The following SLC6A3 variants were observed in gnomAD, a reference collection of about 807,000 sequenced individuals.
SLC6A3 encodes solute carrier family 6 member 3.
SLC6A3 carries 19 observed loss-of-function variants against 70.4 expected under a neutral mutation model. That is an observed-to-expected ratio of 0.27 (90% CI 0.19 to 0.40). The LOEUF (loss-of-function observed/expected upper bound fraction) is 0.40, where lower values mean the gene tolerates loss of function less well. Among genes scored for constraint, SLC6A3 ranks in the 10% least tolerant of loss-of-function variants. The pLI is 1.00. For synonymous variants in SLC6A3, 368 were observed against 356.6 expected (o/e 1.03, Z -0.36); for missense variants, 613 against 838.5 (o/e 0.73, Z 3.32).
intron 1 of SLC6A3, among the ~76,000 whole-genome samples, chr5:1,444,482 T>C (rs536875924): frequency 1.3e-5 from 2 of 152,178 alleles, no homozygotes; most frequent in Non-Finnish European, 2.9e-5. Context: ...ACACAACGAC[T>C]GAAGCAGGTC....
rs993248167 is a variant in SLC6A3 at position 1,397,914 on chromosome 5, G to A, written c.1839+3001C>T. On this transcript the variant is annotated intron_variant, in intron 14 of 14. Transcript: ENST00000270349. This position sits in a 1 kb window ranked among gnomAD's most constrained non-coding sequence, Gnocchi z 4.7. Reference sequence around the variant, plus strand: ...GAACAATGACAGTGTCTAATTTGTGGGTTAAAAAGAGAGAAATAGATTTGA... The same window carrying A: ...GAACAATGACAGTGTCTAATTTGTGAGTTAAAAAGAGAGAAATAGATTTGA... Among the ~76,000 whole-genome samples the A allele has an allele frequency of 2.6e-5, 4 of 152,272 alleles. No individual in the cohort carries two copies. Among genetic ancestry groups the A allele is most frequent in the African/African-American group, 9.6e-5 (4 of 41,566 alleles).
intron 4 of SLC6A3, among the ~76,000 whole-genome samples, chr5:1,423,459 C>T (rs1361323277): frequency 6.6e-6 from 1 of 152,252 alleles, no homozygotes; most frequent in Admixed American, 6.5e-5. Flanking sequence ...AGGCACCAGC[C>T]AGCACTGTTT....
chr5:1,432,676 G>A lies in SLC6A3; in HGVS notation c.441C>T (p.Leu147=). ...ILKGVGFTVI[L]ISLYVGFFYN... is the part of the protein sequence containing the mutation. ...AGAAGAAGCCGACATACAGTGAGATGAGGATGACCGTGAAGCCCACACCTA... is the reference window on the plus strand; with the variant it reads ...AGAAGAAGCCGACATACAGTGAGATAAGGATGACCGTGAAGCCCACACCTA... Residue 147 remains leucine, a synonymous_variant, in exon 4 of 15, where the codon CTC becomes CTT. Coordinates refer to ENST00000270349, the MANE Select transcript of SLC6A3 (RefSeq NM_001044.5). 1 of 1,614,128 alleles carries A rather than the reference G, an allele frequency of 6.2e-7. No homozygotes were observed. Among genetic ancestry groups the A allele is most frequent in the Non-Finnish European group, 8.5e-7 (1 of 1,179,954 alleles).
intron 6 of SLC6A3, chr5:1,416,594 A>T: frequency 2.8e-6 from 1 of 358,568 alleles, no homozygotes; most frequent in Non-Finnish European, 5.4e-6. Context: ...AAACATGACC[A>T]CAGTGTCCTA....
intron 4 of SLC6A3, among the ~76,000 whole-genome samples, chr5:1,429,615 A>C (rs1321108139): frequency 1.3e-5 from 2 of 152,228 alleles, no homozygotes; most frequent in Non-Finnish European, 2.9e-5. Context: ...TCAATGAGTC[A>C]ACATTTCCCA....
intron 6 of SLC6A3, chr5:1,416,663 G>C: frequency 3.3e-6 from 1 of 299,696 alleles, no homozygotes; most frequent in South Asian, 3.3e-5. Context: ...CGTCCTAATA[G>C]CCCTCAGAAC....
In SLC6A3 at chr5:1,437,574, G is replaced by A. The variant is rs1756868343; in HGVS notation, c.418+3785C>T. ...GCTGAAGGCCCCAGAGGCCCCTCTG[G>A]CTGTGGTGCCCATCCCAAGCTGCTC... On this transcript the variant is annotated intron_variant, in intron 3 of 14. Transcript: ENST00000270349. This position sits in a 1 kb window ranked among gnomAD's most constrained non-coding sequence, Gnocchi z 4.8. Among the ~76,000 whole-genome samples, 1 of 152,270 alleles carries A rather than the reference G, an allele frequency of 6.6e-6. No homozygotes were observed. Among genetic ancestry groups the A allele is most frequent in the Admixed American group, 6.5e-5 (1 of 15,292 alleles).
At chr5:1,422,161 G>A (rs940442494) in intron 4 of SLC6A3, 147 bp from the exon 5 acceptor site, 14 of 905,320 alleles carry the variant, frequency 1.5e-5, no homozygotes, top group East Asian at 5.2e-5. Context: ...CTTCCAGGGA[G>A]GTCTGGCCCA....
intron 3 of SLC6A3, among the ~76,000 whole-genome samples, chr5:1,435,341 A>T (rs990601881): frequency 6.6e-6 from 1 of 152,182 alleles, no homozygotes; most frequent in Non-Finnish European, 1.5e-5. Flanking sequence ...CCAATTTGAA[A>T]ATTTTTCAAG....
chr5:1,433,057 AC>A (rs1028140927), intron 3 of SLC6A3, among the ~76,000 whole-genome samples: 2 of 151,786 alleles, frequency 1.3e-5, no homozygotes, highest in African/African-American at 4.8e-5. Flanking sequence ...CACCAAGGTC[AC>A]CCCCAGCCAC....
rs914155433 is a variant in SLC6A3, at chr5:1,437,389, G to C, written c.418+3970C>G. 6.6e-6 allele frequency among the ~76,000 whole-genome samples: 1 copy of C among 152,130 alleles called. No homozygotes were observed. Among genetic ancestry groups the C allele is most frequent in the African/African-American group, 2.4e-5 (1 of 41,444 alleles). ...AGAGAGGAGAAGAGACAGAACAGGA[G>C]AGAGACAGAGAGGAGAAGAGACAGA... On this transcript the variant is annotated intron_variant, in intron 3 of 14. Coordinates refer to ENST00000270349, the MANE Select transcript of SLC6A3 (RefSeq NM_001044.5). The surrounding 1 kb of genome is among the most constrained non-coding windows in gnomAD (Gnocchi z 4.8).
rs752656960 is a variant in SLC6A3 at position 1,406,239 on chromosome 5, G to A, written c.1548C>T (p.Pro516=). Residue 516 remains proline, a synonymous_variant, in exon 12 of 15, where the codon CCC becomes CCT. Transcript: ENST00000270349. This position sits in a 1 kb window ranked among gnomAD's most constrained non-coding sequence, Gnocchi z 8.8. ...DDIQQMTGQR[P]SLYWRLCWKL... is the part of the protein sequence containing the mutation. ...TCCAGCACAGCCGCCAGTACAGGCTGGGCCGCTGCCCGGTCATCTGCTGGA... is the reference window on the plus strand; with the variant it reads ...TCCAGCACAGCCGCCAGTACAGGCTAGGCCGCTGCCCGGTCATCTGCTGGA... The A allele has an allele frequency of 1.2e-6, 2 of 1,613,028 alleles. No individual in the cohort carries two copies. Among genetic ancestry groups the A allele is most frequent in the African/African-American group, 1.3e-5 (1 of 75,064 alleles).
intron 7 of SLC6A3, among the ~76,000 whole-genome samples, chr5:1,415,289 C>A (rs466630): frequency 2.2e-4 from 33 of 151,616 alleles, no homozygotes; most frequent in South Asian, 1.2e-3. Context: ...GGAGGCAAGC[C>A]GAGGACGAAG....
Position 1,441,457 on chromosome 5 carries a change from A to G in SLC6A3, c.320T>C (p.Val107Ala), listed in dbSNP as rs535873193. ...GTAGAAAAGTGGCATCCCAGCAATGACCATGAAGAGCAGGTAGGGGACCAG... is the reference window on the plus strand; with the variant it reads ...GTAGAAAAGTGGCATCCCAGCAATGGCCATGAAGAGCAGGTAGGGGACCAG... ...AFLVPYLLFMVIAGMPLFYME... is the reference protein window; with the variant it reads ...AFLVPYLLFMAIAGMPLFYME... The change falls in exon 3 of 15, where the codon GTC becomes GCC. Residue 107 changes from valine to alanine, a missense_variant. Coordinates refer to ENST00000270349, the MANE Select transcript of SLC6A3 (RefSeq NM_001044.5). The G allele has an allele frequency of 1.2e-6, 2 of 1,614,226 alleles. No homozygotes were observed. Among genetic ancestry groups the G allele is most frequent in the South Asian group, 2.2e-5 (2 of 91,086 alleles).
In SLC6A3 at chr5:1,401,076, A is replaced by G; in HGVS notation, c.1768-90T>C. On this transcript the variant is annotated intron_variant, in intron 13 of 14. Coordinates refer to ENST00000270349, the MANE Select transcript of SLC6A3 (RefSeq NM_001044.5). The surrounding 1 kb of genome is among the most constrained non-coding windows in gnomAD (Gnocchi z 6.1). ...ACTCACACTGCCAGGACCCTCACCT[A>G]CCAGCACCCTCACCACCAGCCCTCC... 1.0e-6 allele frequency: 1 copy of G among 964,026 alleles called. No homozygotes were observed. The highest frequency in any genetic ancestry group is 1.6e-6 in the Non-Finnish European group (1 of 611,766). The allele number at this position is 964,026 out of a possible 1,614,324, so 59.7% of individuals were successfully genotyped here. A position where few individuals can be genotyped will look rare whatever the true frequency, so the allele number is the denominator to read the frequency against.
chr5:1,423,345 GTGCTGCCCACGC>G (rs146228578), intron 4 of SLC6A3, among the ~76,000 whole-genome samples: 2,015 of 100,338 alleles, frequency 0.02, 211 homozygotes, highest in Non-Finnish European at 0.026. Flanking sequence ...GCTGCCCACA[GTGCTGCCCACGC>G]TGCTGGGTAC....
chr5:1,432,726 C>T (rs1313201545), intron 3 of SLC6A3, 28 bp from the exon 4 acceptor site: 4 of 1,549,002 alleles, frequency 2.6e-6, no homozygotes, highest in South Asian at 2.2e-5. Flanking sequence ...GCCATGGAGC[C>T]CACGCAGGTG....
In SLC6A3 at chr5:1,396,141, C is replaced by T. The variant is rs1430602222; in HGVS notation, c.1840-1383G>A. On this transcript the variant is annotated intron_variant, in intron 14 of 14. Transcript: ENST00000270349. The surrounding 1 kb of genome is among the most constrained non-coding windows in gnomAD (Gnocchi z 7.0). ...AGAGATGAAGTAGAAAAGAGAATGGCTGGGCTGCAGACCAGGGGCAGGGCA... is the reference window on the plus strand; with the variant it reads ...AGAGATGAAGTAGAAAAGAGAATGGTTGGGCTGCAGACCAGGGGCAGGGCA... 6.6e-6 allele frequency among the ~76,000 whole-genome samples: 1 copy of T among 152,202 alleles called. No homozygotes were observed. Among genetic ancestry groups the T allele is most frequent in the African/African-American group, 2.4e-5 (1 of 41,438 alleles).
intron 4 of SLC6A3, among the ~76,000 whole-genome samples, chr5:1,430,273 TC>T (rs1481365074): frequency 1.4e-4 from 22 of 151,778 alleles, no homozygotes; most frequent in African/African-American, 5.1e-4. Context: ...GTCACTCTTG[TC>T]CACTCCCAAA....
Sources: allele counts gnomAD v4.1 joint callset (sites outside exome capture counted in the v4.1 genomes callset), GRCh38; gene constraint gnomAD v4.1.1; non-coding constraint Gnocchi (gnomAD v3.1); transcripts MANE v1.5; gene names NCBI Gene and HGNC (gene_info 2026-07-23, HGNC 2026-07-21).